The following PARD3B variants were observed in gnomAD, a reference collection of about 807,000 sequenced individuals.
The protein encoded by PARD3B is partitioning defective 3 homolog B.
A neutral mutation model predicts 130.2 loss-of-function variants in PARD3B; 103 were observed. The ratio of observed to expected loss-of-function variants is 0.79; its 90% confidence interval spans 0.67 to 0.93. The LOEUF (loss-of-function observed/expected upper bound fraction) is 0.93. PARD3B is among the 40% of genes least tolerant of loss of function. The probability of loss-of-function intolerance (pLI) is 0.00; values close to 1 mark genes in which losing one functional copy is unlikely to be tolerated. For synonymous variants in PARD3B, 583 were observed against 553.2 expected, an observed-to-expected ratio of 1.05 and a Z score of -0.76; for missense variants, 1,609 against 1,499.2, an observed-to-expected ratio of 1.07 and a Z score of -1.21.
chr2:205,040,370 G>A (rs956079314), intron 3 of PARD3B, among the ~76,000 whole-genome samples: 1 of 152,180 alleles, frequency 6.6e-6, no homozygotes, highest in Non-Finnish European at 1.5e-5. Context: ...AGCAAGAAAA[G>A]GGGGAGCAGC....
chr2:204,707,391 A>G (rs910762731), intron 2 of PARD3B, among the ~76,000 whole-genome samples: 2 of 152,212 alleles, frequency 1.3e-5, no homozygotes, highest in African/African-American at 2.4e-5. Flanking sequence ...TTTTTTGACG[A>G]AATCACTGTT....
intron 2 of PARD3B, among the ~76,000 whole-genome samples, chr2:204,923,036 C>A (rs184206262): frequency 6.6e-6 from 1 of 152,120 alleles, no homozygotes; most frequent in African/African-American, 2.4e-5. Flanking sequence ...CTATGTCTGT[C>A]TGCCTCTTAG....
At chr2:204,601,912 T>G (rs2033531246) in intron 1 of PARD3B, among the ~76,000 whole-genome samples, 1 of 152,048 alleles carries the variant, frequency 6.6e-6, no homozygotes, top group African/African-American at 2.4e-5. Context: ...TGATATAAGC[T>G]GTTTGTGTTT....
At chr2:205,082,806 A>G (rs1701498546) in intron 4 of PARD3B, among the ~76,000 whole-genome samples, 1 of 152,184 alleles carries the variant, frequency 6.6e-6, no homozygotes, top group African/African-American at 2.4e-5. Flanking sequence ...ATAAATTTGA[A>G]GCCTTTGCTT....
At chr2:204,904,826 T>G (rs2046989515) in intron 2 of PARD3B, among the ~76,000 whole-genome samples, 1 of 152,238 alleles carries the variant, frequency 6.6e-6, no homozygotes, top group African/African-American at 2.4e-5. Context: ...TGCATTTATG[T>G]TCTTCACCTT....
chr2:205,355,274 T>C, intron 18 of PARD3B, among the ~76,000 whole-genome samples: 1 of 152,232 alleles, frequency 6.6e-6, no homozygotes, highest in East Asian at 1.9e-4. Flanking sequence ...CCAAATTTTT[T>C]CTAATTAAGT....
chr2:205,549,280 C>G (rs1412443887), intron 21 of PARD3B, among the ~76,000 whole-genome samples: 5 of 152,182 alleles, frequency 3.3e-5, no homozygotes, highest in Non-Finnish European at 1.5e-5. Flanking sequence ...CAGCAATCGC[C>G]TTCCTTAGTA....
rs896482425 is a variant in PARD3B, at chr2:205,458,592, A to G, written c.3044+17920A>G. ...CCTGAGATGCTACTTCTCTGATGAA[A>G]TTCTCCATCATATTATCTTTTTTCT... On this transcript the variant is annotated intron_variant, in intron 20 of 22. Coordinates refer to ENST00000406610, the MANE Select transcript of PARD3B (RefSeq NM_001302769.2). This position sits in a 1 kb window ranked among gnomAD's most constrained non-coding sequence, Gnocchi z 4.8. Among the ~76,000 whole-genome samples the G allele has an allele frequency of 6.6e-6, 1 of 152,128 alleles. No individual in the cohort carries two copies. Among genetic ancestry groups the G allele is most frequent in the Non-Finnish European group, 1.5e-5 (1 of 68,012 alleles).
intron 22 of PARD3B, among the ~76,000 whole-genome samples, chr2:205,577,445 G>A (rs931665676): frequency 1.3e-5 from 2 of 152,186 alleles, no homozygotes; most frequent in Non-Finnish European, 1.5e-5. Flanking sequence ...AACCTTAAAA[G>A]TGTGGTAGGA....
At chr2:205,507,194 G>GTTTT (rs1245448537) in intron 21 of PARD3B, among the ~76,000 whole-genome samples, 38 of 25,314 alleles carry the variant, frequency 1.5e-3, no homozygotes, top group Admixed American at 4.4e-3. Context: ...GACAGGTGCA[G>GTTTT]TATTTTTTTT....
At chr2:204,809,142 ATTTG>A (rs1289966970) in intron 2 of PARD3B, among the ~76,000 whole-genome samples, 1 of 151,302 alleles carries the variant, frequency 6.6e-6, no homozygotes, top group African/African-American at 2.4e-5. Flanking sequence ...TTTCTTGTAA[ATTTG>A]TTTAAGTTCC....
At chr2:205,481,088 C>T (rs1043294524) in intron 20 of PARD3B, among the ~76,000 whole-genome samples, 13 of 152,050 alleles carry the variant, frequency 8.5e-5, no homozygotes, top group African/African-American at 2.4e-4. Flanking sequence ...AGTTCAGTGA[C>T]GGGAGGGCCA....
chr2:204,649,794 T>C (rs1266160707), intron 1 of PARD3B, among the ~76,000 whole-genome samples: 3 of 151,936 alleles, frequency 2.0e-5, no homozygotes, highest in East Asian at 3.9e-4. Flanking sequence ...AAATGTAAAA[T>C]CCAAAACTAT....
chr2:205,170,228 C>A (rs1343117020), intron 11 of PARD3B, among the ~76,000 whole-genome samples: 1 of 152,218 alleles, frequency 6.6e-6, no homozygotes, highest in Non-Finnish European at 1.5e-5. Context: ...CCGTGCCCAG[C>A]CCGTCATATC....
At chr2:205,161,113 A>G (rs1404209267) in intron 11 of PARD3B, among the ~76,000 whole-genome samples, 1 of 152,212 alleles carries the variant, frequency 6.6e-6, no homozygotes, top group Admixed American at 6.5e-5. Context: ...AGTAAAATTG[A>G]AACTGAGATG....
chr2:204,764,693 C>T (rs1020358023), intron 2 of PARD3B, among the ~76,000 whole-genome samples: 1 of 142,014 alleles, frequency 7.0e-6, no homozygotes, highest in Non-Finnish European at 1.5e-5. Context: ...ACCTGACCAG[C>T]AGGCTGAATC....
At position 205,562,058 on chromosome 2, in the gene PARD3B, T is replaced by A. The variant is rs527836553; in HGVS notation, c.3260+8655T>A. Among the ~76,000 whole-genome samples the A allele has an allele frequency of 7.0e-4, 107 of 152,304 alleles. No homozygotes were observed. Among genetic ancestry groups the A allele is most frequent in the African/African-American group, 2.4e-3 (101 of 41,566 alleles). On this transcript the variant is annotated intron_variant, in intron 22 of 22. Coordinates refer to ENST00000406610, the MANE Select transcript of PARD3B (RefSeq NM_001302769.2). This position sits in a 1 kb window ranked among gnomAD's most constrained non-coding sequence, Gnocchi z 5.4. ...TTGTGAGATTAAGATGTCTCCATTGTCAACTCAAACTTCCTGAAAATGCAG... is the reference window on the plus strand; with the variant it reads ...TTGTGAGATTAAGATGTCTCCATTGACAACTCAAACTTCCTGAAAATGCAG...
chr2:204,932,081 C>G (rs1274250722), intron 2 of PARD3B, among the ~76,000 whole-genome samples: 1 of 152,054 alleles, frequency 6.6e-6, no homozygotes. Context: ...GTAAGCTACA[C>G]ATTTGGTATT....
At chr2:205,449,713 G>A (rs965779329) in intron 20 of PARD3B, among the ~76,000 whole-genome samples, 9 of 152,100 alleles carry the variant, frequency 5.9e-5, no homozygotes, top group African/African-American at 1.9e-4. Context: ...GGCAGACAGC[G>A]CACAGCTCCT....
Sources: gnomAD v4.1 joint callset for allele counts (sites outside exome capture counted in the v4.1 genomes callset) on GRCh38, gnomAD v4.1.1 for gene constraint, Gnocchi (gnomAD v3.1) non-coding constraint, MANE v1.5 for transcripts, NCBI Gene and HGNC (gene_info 2026-07-23, HGNC 2026-07-21) for gene names.